Variants in DAB1 observed in about 807,000 individuals in gnomAD.
The protein encoded by DAB1 is DAB adaptor protein 1.
Under a neutral mutation model 64.6 loss-of-function variants are expected in DAB1, and 15 were observed. The ratio of observed to expected loss-of-function variants is 0.23; its 90% CI spans 0.16 to 0.36. The LOEUF (loss-of-function observed/expected upper bound fraction) is 0.36, where lower values mean the gene tolerates loss of function less well. Ranked by LOEUF, DAB1 falls within the 10% of genes least tolerant of loss-of-function variation. The pLI is 1.00. For missense variants in DAB1, 596 were observed against 706.7 expected (o/e 0.84, Z 1.78); for synonymous variants, 235 against 251.9 (o/e 0.93, Z 0.64).
intron 7 of DAB1, among the ~76,000 whole-genome samples, chr1:57,538,550 T>C (rs999572482): frequency 1.3e-4 from 20 of 152,230 alleles, no homozygotes; most frequent in African/African-American, 4.8e-4. Context: ...AAATGCAAGC[T>C]TTAGACAAGA....
chr1:57,457,861 C>T (rs17115825), intron 7 of DAB1, among the ~76,000 whole-genome samples: 6,387 of 151,942 alleles, frequency 0.042, 210 homozygotes, highest in East Asian at 0.17. Context: ...TCCAAGGAGC[C>T]AATGAGAAGA....
intron 1 of DAB1, among the ~76,000 whole-genome samples, chr1:58,544,993 G>C (rs766080560): frequency 1.3e-5 from 2 of 152,058 alleles, no homozygotes; most frequent in Non-Finnish European, 2.9e-5. Flanking sequence ...ATACTGCACT[G>C]CGAAGTGTTG....
chr1:57,347,442 G>A (rs1247362398), intron 1 of DAB1, among the ~76,000 whole-genome samples: 1 of 152,104 alleles, frequency 6.6e-6, no homozygotes, highest in African/African-American at 2.4e-5. Flanking sequence ...AGATTCTAAT[G>A]GTATGAAAGA....
intron 5 of DAB1, among the ~76,000 whole-genome samples, chr1:57,968,009 T>G: frequency 6.6e-6 from 1 of 152,328 alleles, no homozygotes. Flanking sequence ...ATGTAATAAA[T>G]ACACAATATA....
intron 5 of DAB1, among the ~76,000 whole-genome samples, chr1:58,107,341 G>T (rs2100644486): frequency 6.6e-6 from 1 of 150,802 alleles, no homozygotes. Context: ...CGTGGTGGTG[G>T]GCACCTGTAA....
At chr1:57,416,930 C>CT (rs1334851140) in intron 1 of DAB1, among the ~76,000 whole-genome samples, 1 of 152,110 alleles carries the variant, frequency 6.6e-6, no homozygotes, top group Non-Finnish European at 1.5e-5. Context: ...TATGTAGTGA[C>CT]TAGCTAGACA....
At chr1:58,279,516 A>C (rs886909512) in intron 4 of DAB1, among the ~76,000 whole-genome samples, 3 of 152,236 alleles carry the variant, frequency 2.0e-5, no homozygotes, top group African/African-American at 7.2e-5. Context: ...TAATTCTCAC[A>C]ACCCTGGAGC....
At chr1:57,668,260 A>T (rs1306915679) in intron 6 of DAB1, among the ~76,000 whole-genome samples, 1 of 152,104 alleles carries the variant, frequency 6.6e-6, no homozygotes, top group Non-Finnish European at 1.5e-5. Context: ...GATACTAAAA[A>T]ATTTAAGATT....
intron 6 of DAB1, among the ~76,000 whole-genome samples, chr1:57,752,791 T>G (rs1648616142): frequency 6.6e-6 from 1 of 152,188 alleles, no homozygotes; most frequent in South Asian, 2.1e-4. Flanking sequence ...AGTAACAGAA[T>G]CTAATTTATA....
intron 4 of DAB1, among the ~76,000 whole-genome samples, chr1:58,232,043 G>A (rs968282246): frequency 6.6e-6 from 1 of 152,110 alleles, no homozygotes; most frequent in African/African-American, 2.4e-5. Context: ...GTGCTATTTT[G>A]TTTTTCTGTT....
At chr1:58,152,972 G>C (rs1388115885) in intron 4 of DAB1, among the ~76,000 whole-genome samples, 1 of 152,174 alleles carries the variant, frequency 6.6e-6, no homozygotes, top group African/African-American at 2.4e-5. Context: ...TCCAAATCTG[G>C]ACCACATGAC....
At chr1:58,398,537 C>T (rs754863630) in intron 3 of DAB1, among the ~76,000 whole-genome samples, 6 of 152,206 alleles carry the variant, frequency 3.9e-5, no homozygotes, top group African/African-American at 7.2e-5. Flanking sequence ...CATAGCAGAT[C>T]GTAGAGTATA....
At chr1:58,301,360 G>C (rs1662165805) in intron 4 of DAB1, among the ~76,000 whole-genome samples, 1 of 152,150 alleles carries the variant, frequency 6.6e-6, no homozygotes, top group Non-Finnish European at 1.5e-5. Context: ...GAGAATCCAT[G>C]AGACTTCTGG....
In DAB1 at chr1:57,951,007, A is replaced by G. The variant is rs115408394; in HGVS notation, n.388-66845T>C. ...ATAAGTTCTCAGCTATGCCAGGCTA[A>G]GGAACTAACAAATTGGGAGGCTTGG... On this transcript the variant is annotated intron_variant and non_coding_transcript_variant, in intron 5 of 20. Coordinates refer to the DAB1 transcript ENST00000485760. Among the ~76,000 whole-genome samples the G allele has an allele frequency of 1.6e-3, 247 of 152,276 alleles. 1 individual carries two copies. The highest frequency in any genetic ancestry group is 5.6e-3 in the African/African-American group (233 of 41,554).
chr1:57,233,795 G>T (rs1159562978), intron 2 of DAB1, among the ~76,000 whole-genome samples: 1 of 151,946 alleles, frequency 6.6e-6, no homozygotes, highest in Non-Finnish European at 1.5e-5. Context: ...CCTGCTGCCA[G>T]GTGAGTGGTA....
intron 5 of DAB1, chr1:58,049,450 T>C (rs1647480072): frequency 6.4e-6 from 2 of 313,810 alleles, no homozygotes; most frequent in South Asian, 5.2e-5. Flanking sequence ...TGAAAGGTTC[T>C]ATGGGGCCTT....
rs966475421 is a variant in DAB1, at chr1:57,423,558, G to A, written c.-137+372C>T. ...GCGGGAGAAGGCAGGCTCGAGGTCC[G>A]ATATAGCCAGGACCGCAGGAGGAAA... On this transcript the variant is annotated intron_variant, in intron 1 of 14. Transcript: ENST00000371236. Among the ~76,000 whole-genome samples the A allele has an allele frequency of 3.3e-5, 5 of 152,120 alleles. No homozygotes were observed. The East Asian group carries it at 9.8e-4, about 30-fold the overall frequency.
intron 1 of DAB1, among the ~76,000 whole-genome samples, chr1:57,321,288 C>T (rs1196626844): frequency 2.0e-5 from 3 of 152,194 alleles, no homozygotes; most frequent in African/African-American, 7.2e-5. Flanking sequence ...ACTAAGATCA[C>T]TCCTTCCTTC....
intron 1 of DAB1, chr1:57,862,822 T>G (rs1390922703): frequency 6.6e-6 from 1 of 152,178 alleles, no homozygotes; most frequent in Non-Finnish European, 1.5e-5. Flanking sequence ...ACTCTCACAC[T>G]GCTGGAAGGA....
Sources: gnomAD v4.1 joint callset for allele counts (sites outside exome capture counted in the v4.1 genomes callset) on GRCh38, gnomAD v4.1.1 for gene constraint, MANE v1.5 for transcripts, NCBI Gene and HGNC (gene_info 2026-07-23, HGNC 2026-07-21) for gene names.